ANKFY1: variants seen among roughly 807,000 people sequenced by gnomAD.
ANKFY1 encodes ankyrin repeat and FYVE domain-containing protein 1.
ANKFY1 carries 47 observed loss-of-function variants against 128.3 expected under a neutral mutation model. The ratio of observed to expected loss-of-function variants is 0.37; its 90% confidence interval spans 0.29 to 0.47. The LOEUF is 0.47. Among genes scored for constraint, ANKFY1 ranks in the 20% least tolerant of loss-of-function variants. ANKFY1 has a pLI of 1.00. For synonymous variants in ANKFY1, 553 were observed against 601.6 expected, an observed-to-expected ratio of 0.92 and a Z score of 1.18; for missense variants, 1,222 against 1,510.6, an observed-to-expected ratio of 0.81 and a Z score of 3.17.
chr17:4,167,933 G>A lies in ANKFY1; in HGVS notation c.3378-22C>T. Reference sequence around the variant, plus strand: ...ACGACTGTGGAAGCAAAGAAAGGAAGTATGAGAGGAGCGCCAACGACAGAC... The same window carrying A: ...ACGACTGTGGAAGCAAAGAAAGGAAATATGAGAGGAGCGCCAACGACAGAC... On this transcript the variant is annotated intron_variant, in intron 24 of 24. Coordinates refer to ENST00000341657, the MANE Select transcript of ANKFY1 (RefSeq NM_001330063.2). This position sits in a 1 kb window ranked among gnomAD's most constrained non-coding sequence, Gnocchi z 4.1. The A allele has an allele frequency of 6.2e-7, 1 of 1,608,798 alleles. No individual in the cohort carries two copies. Among genetic ancestry groups the A allele is most frequent in the East Asian group, 2.2e-5 (1 of 44,796 alleles).
intron 11 of ANKFY1, chr17:4,187,397 T>G: frequency 2.5e-6 from 1 of 397,620 alleles, no homozygotes; most frequent in Non-Finnish European, 4.4e-6. Flanking sequence ...ACACCCACCA[T>G]GCCAGCCATC....
chr17:4,245,958 CGCTGGA>C (rs1413846043), intron 1 of ANKFY1, among the ~76,000 whole-genome samples: 1 of 152,070 alleles, frequency 6.6e-6, no homozygotes, highest in Non-Finnish European at 1.5e-5. Flanking sequence ...GCAGAAGAAT[CGCTGGA>C]ACCCAGGAGG....
chr17:4,228,137 A>G (rs1375860369), intron 3 of ANKFY1, among the ~76,000 whole-genome samples: 3 of 152,234 alleles, frequency 2.0e-5, no homozygotes, highest in African/African-American at 4.8e-5. Flanking sequence ...TTTTCATACA[A>G]TGGAATACTA....
intron 1 of ANKFY1, among the ~76,000 whole-genome samples, chr17:4,248,172 C>T (rs1314019060): frequency 6.6e-6 from 1 of 152,170 alleles, no homozygotes; most frequent in South Asian, 2.1e-4. Flanking sequence ...ACCTCCAGGC[C>T]GTGGACGGGT....
rs533022527 is a variant in ANKFY1, at chr17:4,263,732, G to T, written c.10+200C>A. The T allele has an allele frequency of 1.4e-4, 209 of 1,481,864 alleles. 1 individual carries two copies. In the African/African-American group the frequency reaches 2.6e-3, roughly 19 times the overall value. 91.8% of individuals were successfully genotyped at this position (1,481,864 alleles called of 1,614,324 possible). The stretch of plus-strand genomic sequence containing the variant: ...GCCGCAGTCCCGCGGGGTCGGCATC[G>T]CGGGAGGGACGTTGTCATAGGAACC... On this transcript the variant is annotated intron_variant, in intron 1 of 24. Transcript: ENST00000341657.
Position 4,178,773 on chromosome 17 carries a change from C to A in ANKFY1, c.2598+84G>T. 1 of 1,328,506 alleles carries A rather than the reference C, an allele frequency of 7.5e-7. No individual in the cohort carries two copies. The highest frequency in any genetic ancestry group is 1.1e-6 in the Non-Finnish European group (1 of 935,806). The allele number at this position is 1,328,506 out of a possible 1,614,324, so 82.3% of individuals were successfully genotyped here. Reference sequence around the variant, plus strand: ...AACAAAGCTCTTTCCATGAGGAGACCTGTTTAGTCGGTGACATCTGTCTAG... The same window carrying A: ...AACAAAGCTCTTTCCATGAGGAGACATGTTTAGTCGGTGACATCTGTCTAG... On this transcript the variant is annotated intron_variant, in intron 18 of 24. Coordinates refer to ENST00000341657, the MANE Select transcript of ANKFY1 (RefSeq NM_001330063.2). This position sits in a 1 kb window ranked among gnomAD's most constrained non-coding sequence, Gnocchi z 4.1.
Position 4,222,459 on chromosome 17 carries a change from G to A in ANKFY1, c.323-5341C>T, listed in dbSNP as rs967796527. 6.1e-6 allele frequency: 5 copies of A among 813,774 alleles called. No homozygotes were observed. The African/African-American group carries it at 6.7e-5, about 11-fold the overall frequency. The allele number at this position is 813,774 out of a possible 1,614,324, so 50.4% of individuals were successfully genotyped here. On this transcript the variant is annotated intron_variant, in intron 3 of 24. Transcript: ENST00000341657. ...TTGAATGTAAGCTGGGATTCCAAGC[G>A]GACAATGTTTTGGCAATGGACCTGC... is the stretch of plus-strand genomic sequence containing the variant.
intron 17 of ANKFY1, chr17:4,179,406 TGCTCAAG>T: frequency 1.9e-6 from 1 of 516,360 alleles, no homozygotes; most frequent in Non-Finnish European, 3.5e-6. Context: ...AACTCAGGGG[TGCTCAAG>T]TGAGCTACTG....
intron 4 of ANKFY1, 176 bp downstream of exon 4, chr17:4,216,807 T>A (rs1235563244): frequency 1.2e-6 from 1 of 820,620 alleles, no homozygotes; most frequent in African/African-American, 1.7e-5. Flanking sequence ...TTAGCAAAAT[T>A]TAGCTACAAG....
chr17:4,199,972 G>C (rs1040041732), intron 7 of ANKFY1, among the ~76,000 whole-genome samples: 1 of 152,132 alleles, frequency 6.6e-6, no homozygotes, highest in African/African-American at 2.4e-5. Context: ...CAAAGGCTTG[G>C]GGCATCACGC....
chr17:4,223,604 T>TGGGA, intron 3 of ANKFY1: 19 of 1,340,216 alleles, frequency 1.4e-5, no homozygotes, highest in Non-Finnish European at 2.0e-5. Flanking sequence ...AGTGATGCTG[T>TGGGA]GGGAACTCAT....
At chr17:4,209,675 A>G (rs888496725) in intron 5 of ANKFY1, 149 bp downstream of exon 5, 26 of 901,430 alleles carry the variant, frequency 2.9e-5, no homozygotes, top group Non-Finnish European at 3.9e-5. Context: ...AGAGTCTCAT[A>G]GATCATCTAA....
rs761386839 is a variant in ANKFY1 at position 4,183,532 on chromosome 17, G to A, written c.1818C>T (p.Ala606=). ...ALWTGMHTIA[A]QLLGSGAAIN... ...TGGCGGCTCCAGAGCCCAGCAGCTG[G>A]GCTGCGATCGTGTGCATGCCTGGGA... is the stretch of plus-strand genomic sequence containing the variant. The change falls in exon 14 of 25, where the codon GCC becomes GCT. Residue 606 remains alanine, a synonymous_variant. Coordinates refer to ENST00000341657, the MANE Select transcript of ANKFY1 (RefSeq NM_001330063.2). 1.2e-6 allele frequency: 2 copies of A among 1,612,406 alleles called. No homozygotes were observed. The highest frequency in any genetic ancestry group is 1.1e-5 in the South Asian group (1 of 91,002).
Position 4,169,185 on chromosome 17 carries a change from G to T in ANKFY1, c.3377+13C>A. On this transcript the variant is annotated intron_variant, in intron 24 of 24. Coordinates refer to ENST00000341657, the MANE Select transcript of ANKFY1 (RefSeq NM_001330063.2). This position sits in a 1 kb window ranked among gnomAD's most constrained non-coding sequence, Gnocchi z 5.0. ...AGTCCCCTCGCTCCTTGCCAGTGACGCTGGGGTCTTACCAGTGGTGTTTGC... is the reference window on the plus strand; with the variant it reads ...AGTCCCCTCGCTCCTTGCCAGTGACTCTGGGGTCTTACCAGTGGTGTTTGC... 6.5e-7 allele frequency: 1 copy of T among 1,548,512 alleles called. No individual in the cohort carries two copies. Among genetic ancestry groups the T allele is most frequent in the Admixed American group, 2.0e-5 (1 of 51,024 alleles).
chr17:4,167,480 T>G lies in ANKFY1; in HGVS notation c.*299A>C, dbSNP rs1201276278. 4.2e-6 allele frequency: 1 copy of G among 239,788 alleles called. No homozygotes were observed. Among genetic ancestry groups the G allele is most frequent in the Admixed American group, 5.5e-5 (1 of 18,264 alleles). The allele number at this position is 239,788 out of a possible 1,614,324, so 14.9% of individuals were successfully genotyped here. On this transcript the variant is annotated 3_prime_UTR_variant, in exon 25 of 25. Transcript: ENST00000341657. The surrounding 1 kb of genome is among the most constrained non-coding windows in gnomAD (Gnocchi z 4.1). ...GGGGAAATGGTTTTCCAAGTGTCCC[T>G]GTATGTTGCTAGCAGAATGGGGAGA...
chr17:4,169,311 G>T lies in ANKFY1; in HGVS notation c.3287-23C>A. 1 of 1,530,648 alleles carries T rather than the reference G, an allele frequency of 6.5e-7. No individual in the cohort carries two copies. Among genetic ancestry groups the T allele is most frequent in the Non-Finnish European group, 8.8e-7 (1 of 1,131,058 alleles). The allele number at this position is 1,530,648 out of a possible 1,614,324, so 94.8% of individuals were successfully genotyped here. ...TATCTGCAACACAGGGGGGAGGCCC[G>T]GTCCCGTCAAACCGCGACGGCGCCA... is the stretch of plus-strand genomic sequence containing the variant. On this transcript the variant is annotated intron_variant, in intron 23 of 24. Coordinates refer to ENST00000341657, the MANE Select transcript of ANKFY1 (RefSeq NM_001330063.2). This position sits in a 1 kb window ranked among gnomAD's most constrained non-coding sequence, Gnocchi z 5.0.
intron 10 of ANKFY1, among the ~76,000 whole-genome samples, chr17:4,194,219 C>T (rs1286561468): frequency 1.3e-5 from 2 of 150,000 alleles, no homozygotes; most frequent in Non-Finnish European, 1.5e-5. Flanking sequence ...AGCGATTCTC[C>T]GGCCTTTCCT....
chr17:4,242,927 T>C (rs901851405), intron 1 of ANKFY1, among the ~76,000 whole-genome samples: 2 of 152,180 alleles, frequency 1.3e-5, no homozygotes, highest in African/African-American at 4.8e-5. Flanking sequence ...CCAGGAATTC[T>C]CCAGGAGAAA....
At chr17:4,244,862 G>A (rs1487740352) in intron 1 of ANKFY1, among the ~76,000 whole-genome samples, 1 of 151,930 alleles carries the variant, frequency 6.6e-6, no homozygotes. Context: ...GTCAGCATAC[G>A]AGCCAGTTTA....
Sources: allele counts gnomAD v4.1 joint callset (sites outside exome capture counted in the v4.1 genomes callset), GRCh38; gene constraint gnomAD v4.1.1; non-coding constraint Gnocchi (gnomAD v3.1); transcripts MANE v1.5; gene names NCBI Gene and HGNC (gene_info 2026-07-23, HGNC 2026-07-21).